The following KLRG2 variants were observed in gnomAD, a reference collection of about 807,000 sequenced individuals.
The protein encoded by KLRG2 is killer cell lectin like receptor G2, also known as killer cell lectin-like receptor subfamily G member 2.
A neutral mutation model predicts 35.4 loss-of-function variants in KLRG2; 39 were observed. The ratio of observed to expected loss-of-function variants is 1.10; its 90% confidence interval spans 0.85 to 1.44. The LOEUF (loss-of-function observed/expected upper bound fraction) is 1.44. Ranked by LOEUF, KLRG2 falls within the 40% of genes most tolerant of loss-of-function variation. The pLI, the probability that KLRG2 is intolerant of heterozygous loss-of-function variation, is 0.00. For missense variants in KLRG2, 632 were observed against 570.9 expected (o/e 1.11, Z -1.09); for synonymous variants, 283 against 265.8 (o/e 1.06, Z -0.63).
chr7:139,446,289 C>CAA, the KLRG2 span, among the ~76,000 whole-genome samples: 1 of 151,448 alleles, frequency 6.6e-6, no homozygotes, highest in South Asian at 2.1e-4. Flanking sequence ...GAGCCACATT[C>CAA]CCCCTTGGAG....
chr7:139,429,797 G>A, the KLRG2 span, among the ~76,000 whole-genome samples: 3 of 152,226 alleles, frequency 2.0e-5, no homozygotes, highest in Non-Finnish European at 4.4e-5. Flanking sequence ...GCAACCATTC[G>A]ATTTCTCAAT....
In KLRG2 at chr7:139,470,841, C is replaced by CT. The variant is rs879394340; in HGVS notation, c.1005+8785dup. ...AACCAGATTAGGAAACAGCACATTC[C>CT]TTTTTTTTTTTTTTAATTTGAGACA... On this transcript the variant is annotated intron_variant, in intron 3 of 4. Transcript: ENST00000340940. Among the ~76,000 whole-genome samples the CT allele has an allele frequency of 3.8e-3, 538 of 141,782 alleles. 5 individuals carry two copies. The highest frequency in any genetic ancestry group is 7.6e-3 in the African/African-American group (295 of 38,890). 93.0% of individuals were successfully genotyped at this position (141,782 alleles called of 152,430 possible).
At chr7:139,472,873 C>T (rs1435280292) in intron 3 of KLRG2, among the ~76,000 whole-genome samples, 2 of 152,202 alleles carry the variant, frequency 1.3e-5, no homozygotes, top group African/African-American at 4.8e-5. Flanking sequence ...GCCCAAAGAT[C>T]CACTCATCTT....
At chr7:139,427,794 G>C in the KLRG2 span, among the ~76,000 whole-genome samples, 4 of 152,146 alleles carry the variant, frequency 2.6e-5, no homozygotes, top group African/African-American at 9.7e-5. Context: ...CATAGACGAT[G>C]CCCGATGAAT....
At chr7:139,441,330 G>A in the KLRG2 span, among the ~76,000 whole-genome samples, 1 of 152,144 alleles carries the variant, frequency 6.6e-6, no homozygotes, top group Non-Finnish European at 1.5e-5. Flanking sequence ...CAGGGACATG[G>A]ATGAAGCTGG....
the KLRG2 span, among the ~76,000 whole-genome samples, chr7:139,429,615 C>G: frequency 6.6e-6 from 1 of 151,818 alleles, no homozygotes; most frequent in Middle Eastern, 3.2e-3. Context: ...TTTAACAAAG[C>G]ACATCTTGCA....
intron 3 of KLRG2, among the ~76,000 whole-genome samples, chr7:139,461,121 G>C (rs1299176669): frequency 6.6e-6 from 1 of 151,980 alleles, no homozygotes; most frequent in Non-Finnish European, 1.5e-5. Context: ...ATGGTGATGG[G>C]ACCTGTAATC....
chr7:139,464,509 CA>C (rs746685579), intron 3 of KLRG2, among the ~76,000 whole-genome samples: 19 of 152,288 alleles, frequency 1.2e-4, no homozygotes, highest in South Asian at 4.1e-4. Context: ...CTCCACAACC[CA>C]TTATTCTATT....
At chr7:139,445,642 G>C in the KLRG2 span, among the ~76,000 whole-genome samples, 8 of 150,986 alleles carry the variant, frequency 5.3e-5, 1 homozygote, top group African/African-American at 2.0e-4. Context: ...ATTTAATGCT[G>C]TGAGACAGGG....
At chr7:139,470,239 T>C (rs981289502) in intron 3 of KLRG2, among the ~76,000 whole-genome samples, 6 of 152,006 alleles carry the variant, frequency 3.9e-5, no homozygotes, top group Non-Finnish European at 8.8e-5. Flanking sequence ...TTTGTATTTT[T>C]AATAAAGACG....
the KLRG2 span, among the ~76,000 whole-genome samples, chr7:139,433,264 A>G: frequency 2.0e-5 from 3 of 151,940 alleles, no homozygotes; most frequent in Admixed American, 1.3e-4. Context: ...TGGCTTACTC[A>G]GATTGAATCC....
chr7:139,462,179 A>C (rs1220553310), intron 3 of KLRG2, among the ~76,000 whole-genome samples: 1 of 152,162 alleles, frequency 6.6e-6, no homozygotes, highest in Admixed American at 6.6e-5. Context: ...CGGACTCGGG[A>C]AAACAGTCTT....
chr7:139,475,122 T>C (rs1160949609), intron 3 of KLRG2, among the ~76,000 whole-genome samples: 3 of 152,176 alleles, frequency 2.0e-5, no homozygotes, highest in Non-Finnish European at 4.4e-5. Flanking sequence ...CTTGACACAG[T>C]TGTCCCTGCT....
chr7:139,444,451 G>T, the KLRG2 span, among the ~76,000 whole-genome samples: 1 of 152,166 alleles, frequency 6.6e-6, no homozygotes, highest in Non-Finnish European at 1.5e-5. Flanking sequence ...CAAATTGCTG[G>T]TATTACAGGT....
chr7:139,453,578 G>T lies in KLRG2; in HGVS notation c.*9C>A. On this transcript the variant is annotated 3_prime_UTR_variant, in exon 5 of 5. Coordinates refer to ENST00000340940, the MANE Select transcript of KLRG2 (RefSeq NM_198508.4). ...TGCCTGGCAGGCTGAGGACCAGGCA[G>T]AGCCCAGATCACTGGGTCCCCTTGG... 6.3e-7 allele frequency: 1 copy of T among 1,588,124 alleles called. No individual in the cohort carries two copies. The highest frequency in any genetic ancestry group is 8.6e-7 in the Non-Finnish European group (1 of 1,167,390).
intron 3 of KLRG2, among the ~76,000 whole-genome samples, chr7:139,455,310 A>T (rs945469923): frequency 2.0e-5 from 3 of 146,698 alleles, no homozygotes; most frequent in Admixed American, 6.9e-5. Flanking sequence ...GAGCCACTGT[A>T]CCCGGCCAAG....
intron 1 of KLRG2, among the ~76,000 whole-genome samples, chr7:139,482,459 C>A (rs1277999119): frequency 6.6e-6 from 1 of 151,886 alleles, no homozygotes; most frequent in Non-Finnish European, 1.5e-5. Context: ...ATGGCATGAT[C>A]TCGGCCCACT....
At chr7:139,482,843 C>G in intron 1 of KLRG2, 43 bp downstream of exon 1, 1 of 1,361,782 alleles carries the variant, frequency 7.3e-7, no homozygotes, top group South Asian at 1.8e-5. Context: ...GCTACGTCCA[C>G]CCGACCTGGC....
chr7:139,445,793 G>GTGTATATATATATATATA, the KLRG2 span, among the ~76,000 whole-genome samples: 1 of 95,578 alleles, frequency 1.0e-5, no homozygotes, highest in African/African-American at 8.3e-5. Flanking sequence ...ATATATATAT[G>GTGTATATATATATATATA]TGTGTATATA....
Sources: allele counts gnomAD v4.1 joint callset (sites outside exome capture counted in the v4.1 genomes callset), GRCh38; gene constraint gnomAD v4.1.1; transcripts MANE v1.5; gene names NCBI Gene and HGNC (gene_info 2026-07-23, HGNC 2026-07-21).